EYS: variants seen among roughly 807,000 people sequenced by gnomAD.
EYS encodes EGF-like photoreceptor maintenance factor.
Under a neutral mutation model 282.1 loss-of-function variants are expected in EYS, and 250 were observed. The observed-to-expected ratio is 0.89, with a 90% CI of 0.80 to 0.98. The LOEUF (loss-of-function observed/expected upper bound fraction) is 0.98. Ranked by LOEUF, EYS falls within the 50% of genes least tolerant of loss-of-function variation. The probability of loss-of-function intolerance (pLI) is 0.00; values close to 1 mark genes in which losing one functional copy is unlikely to be tolerated. For missense variants in EYS, 4,016 were observed against 3,709.0 expected (o/e 1.08, Z -2.15); for synonymous variants, 1,355 against 1,282.9 (o/e 1.06, Z -1.20).
chr6:65,074,296 G>A (rs1436500155), intron 12 of EYS, among the ~76,000 whole-genome samples: 2 of 151,788 alleles, frequency 1.3e-5, no homozygotes, highest in South Asian at 2.1e-4. Flanking sequence ...TAGAAATCTC[G>A]GGGTCATAGC....
chr6:64,863,200 G>T (rs369435569), intron 19 of EYS, among the ~76,000 whole-genome samples: 1 of 151,576 alleles, frequency 6.6e-6, no homozygotes, highest in Admixed American at 6.6e-5. Context: ...TATTTTCTTC[G>T]CCATGCATTG....
chr6:64,867,800 C>T (rs1766469786), intron 19 of EYS, among the ~76,000 whole-genome samples: 1 of 151,648 alleles, frequency 6.6e-6, no homozygotes, highest in Non-Finnish European at 1.5e-5. Flanking sequence ...TTAAATTCTA[C>T]TTTTGAAAAT....
At position 63,859,078 on chromosome 6, in the gene EYS, T is replaced by C. The variant is rs1001763519; in HGVS notation, c.7228+5108A>G. 7.4e-4 allele frequency among the ~76,000 whole-genome samples: 14 copies of C among 18,804 alleles called. No individual in the cohort carries two copies. In the East Asian group the frequency reaches 0.016, roughly 22 times the overall value. 12.3% of individuals were successfully genotyped at this position (18,804 alleles called of 152,430 possible). On this transcript the variant is annotated intron_variant, in intron 36 of 42. Transcript: ENST00000503581. ...ATTTCCATTGATGTCCTAGAGAGTT[T>C]TTTTTTTTTTTTTTTTTTTTTTTTT...
At chr6:64,634,804 A>G (rs1767915548) in intron 22 of EYS, among the ~76,000 whole-genome samples, 1 of 152,228 alleles carries the variant, frequency 6.6e-6, no homozygotes, top group Non-Finnish European at 1.5e-5. Context: ...TCTATATTCC[A>G]CTTTTAAGAA....
At chr6:64,910,200 A>T (rs1583285246) in intron 16 of EYS, among the ~76,000 whole-genome samples, 1 of 152,232 alleles carries the variant, frequency 6.6e-6, no homozygotes, top group East Asian at 1.9e-4. Flanking sequence ...CTAAATGTTG[A>T]TACTTGTGAG....
chr6:64,454,834 T>C (rs1009929193), intron 26 of EYS, among the ~76,000 whole-genome samples: 1 of 152,150 alleles, frequency 6.6e-6, no homozygotes, highest in Non-Finnish European at 1.5e-5. Flanking sequence ...TTTATCTTCT[T>C]GTATGTGGAT....
At chr6:65,177,355 C>A (rs1765250869) in intron 12 of EYS, among the ~76,000 whole-genome samples, 1 of 151,540 alleles carries the variant, frequency 6.6e-6, no homozygotes, top group Admixed American at 6.6e-5. Context: ...TGGCATATAC[C>A]CTCCGAAATA....
intron 35 of EYS, among the ~76,000 whole-genome samples, chr6:63,889,452 G>A (rs1286885509): frequency 6.6e-6 from 1 of 152,168 alleles, no homozygotes; most frequent in East Asian, 1.9e-4. Context: ...AACCAGAAGA[G>A]TGGGTGTCAA....
intron 2 of EYS, among the ~76,000 whole-genome samples, chr6:65,571,927 T>C (rs916601834): frequency 6.6e-6 from 1 of 152,046 alleles, no homozygotes; most frequent in African/African-American, 2.4e-5. Flanking sequence ...AGCAGATCAT[T>C]TGTAAAACTT....
At chr6:65,223,388 G>C (rs922860398) in intron 12 of EYS, among the ~76,000 whole-genome samples, 3 of 151,924 alleles carry the variant, frequency 2.0e-5, no homozygotes, top group Non-Finnish European at 4.4e-5. Context: ...ACAAGAACAA[G>C]AACAACAACA....
intron 22 of EYS, among the ~76,000 whole-genome samples, chr6:64,710,935 G>A (rs1240718301): frequency 6.6e-6 from 1 of 152,170 alleles, no homozygotes; most frequent in Admixed American, 6.5e-5. Context: ...TGATATAGGT[G>A]CTGCCACCTC....
In EYS at chr6:64,190,003, T is replaced by C. The variant is rs144025879; in HGVS notation, c.6424+40589A>G. Among the ~76,000 whole-genome samples, 147 of 152,350 alleles carry C rather than the reference T, an allele frequency of 9.6e-4. 1 individual carries two copies. The highest frequency in any genetic ancestry group is 3.9e-3 in the South Asian group (19 of 4,830). ...GTGTTCAATTAATATTTATTGATTC[T>C]ATGTAATTAATATTTATTGATGCCT... On this transcript the variant is annotated intron_variant, in intron 31 of 42. Transcript: ENST00000503581.
At chr6:64,944,511 A>T (rs371764893) in intron 15 of EYS, among the ~76,000 whole-genome samples, 1 of 152,076 alleles carries the variant, frequency 6.6e-6, no homozygotes, top group African/African-American at 2.4e-5. Flanking sequence ...GGCACAATGC[A>T]CTGTGGAAAG....
chr6:64,922,978 T>G (rs1452343644), intron 15 of EYS, among the ~76,000 whole-genome samples: 1 of 152,186 alleles, frequency 6.6e-6, no homozygotes, highest in Non-Finnish European at 1.5e-5. Context: ...CTGATTTTTT[T>G]CTCATCTGGA....
At chr6:65,536,307 G>A (rs1474151439) in intron 2 of EYS, among the ~76,000 whole-genome samples, 1 of 148,496 alleles carries the variant, frequency 6.7e-6, no homozygotes, top group Non-Finnish European at 1.5e-5. Context: ...GCAAGTGGTT[G>A]AGAAGGAGTA....
intron 28 of EYS, among the ~76,000 whole-genome samples, chr6:64,398,587 C>T (rs1416350): frequency 0.31 from 46,794 of 151,466 alleles, 7,201 homozygotes; most frequent in East Asian, 0.47. Context: ...ATACAGACAT[C>T]CAAACACATT....
chr6:65,375,145 A>G (rs547985242), intron 8 of EYS, among the ~76,000 whole-genome samples: 1 of 152,126 alleles, frequency 6.6e-6, no homozygotes, highest in Non-Finnish European at 1.5e-5. Context: ...TCTGGCTGGC[A>G]TCTGGTGGGT....
chr6:64,429,087 A>T (rs1019286072), intron 28 of EYS, among the ~76,000 whole-genome samples: 3 of 152,178 alleles, frequency 2.0e-5, no homozygotes, highest in Non-Finnish European at 4.4e-5. Flanking sequence ...AGAGAAAAAA[A>T]CCCCAAAACT....
At chr6:64,296,592 ATATATATTTTTTTTTT>A (rs1769030084) in intron 30 of EYS, among the ~76,000 whole-genome samples, 3 of 4,500 alleles carry the variant, frequency 6.7e-4, no homozygotes, top group African/African-American at 2.5e-3. Context: ...ATACATATAT[ATATATATTTTTTTTTT>A]TTTTTTTTTT....
Sources: allele counts gnomAD v4.1 joint callset (sites outside exome capture counted in the v4.1 genomes callset), GRCh38; gene constraint gnomAD v4.1.1; transcripts MANE v1.5; gene names NCBI Gene and HGNC (gene_info 2026-07-23, HGNC 2026-07-21).